Variants in ENTHD1 observed in about 807,000 individuals in gnomAD.
The protein encoded by ENTHD1 is ENTH domain-containing protein 1.
Under a neutral mutation model 39.1 loss-of-function variants are expected in ENTHD1, and 23 were observed. The observed-to-expected ratio is 0.59, with a 90% CI of 0.42 to 0.83. The LOEUF (loss-of-function observed/expected upper bound fraction) is 0.83. ENTHD1 is among the 40% of genes least tolerant of loss of function. ENTHD1 has a pLI of 0.00. For missense variants in ENTHD1, 624 were observed against 705.4 expected (o/e 0.88, Z 1.31); for synonymous variants, 230 against 258.2 (o/e 0.89, Z 1.05).
At chr22:39,819,836 A>G (rs1261859613) in intron 5 of ENTHD1, among the ~76,000 whole-genome samples, 1 of 152,194 alleles carries the variant, frequency 6.6e-6, no homozygotes. Flanking sequence ...TTTCTGCTCA[A>G]ATTTGCTGTG....
rs757672725 is a variant in ENTHD1 at position 39,744,162 on chromosome 22, C to G, written c.1341G>C (p.Trp447Cys). ...AAGACAACTGTTGATGGGACAGAGT[C>G]CAGAAGGAAGGTCCGGCCAGAATTG... ...LSPILAGPSF[W>C]TLSHQQLSST... is the part of the protein sequence containing the mutation. Residue 447 changes from tryptophan to cysteine, a missense_variant, in exon 7 of 7, where the codon TGG (tryptophan) becomes TGC (cysteine). Trp to Cys is a radical substitution (Grantham distance 215). Coordinates refer to ENST00000325157, the MANE Select transcript of ENTHD1 (RefSeq NM_152512.4). The G allele has an allele frequency of 6.2e-7, 1 of 1,613,994 alleles. No individual in the cohort carries two copies. Among genetic ancestry groups the G allele is most frequent in the Non-Finnish European group, 8.5e-7 (1 of 1,179,974 alleles).
rs572756326 is a variant in ENTHD1 at position 39,862,259 on chromosome 22, G to T, written c.350-252C>A. 3.9e-5 allele frequency among the ~76,000 whole-genome samples: 6 copies of T among 152,084 alleles called. No individual in the cohort carries two copies. The East Asian group carries it at 1.2e-3, about 29-fold the overall frequency. On this transcript the variant is annotated intron_variant, in intron 2 of 6. Transcript: ENST00000325157. The stretch of plus-strand genomic sequence containing the variant: ...ACATTATTGGATTTTCCTTTTAAAA[G>T]CAATATATGGCTGGGTGCGGTGGCT...
intron 5 of ENTHD1, among the ~76,000 whole-genome samples, chr22:39,816,296 A>T (rs1166638426): frequency 6.6e-6 from 1 of 152,252 alleles, no homozygotes; most frequent in African/African-American, 2.4e-5. Flanking sequence ...TGTATTTTAG[A>T]ATCTGTGTCA....
At chr22:39,771,792 A>G (rs1271965360) in intron 5 of ENTHD1, among the ~76,000 whole-genome samples, 1 of 152,184 alleles carries the variant, frequency 6.6e-6, no homozygotes, top group African/African-American at 2.4e-5. Flanking sequence ...AGATAAACAG[A>G]AACTAAGAGA....
At chr22:39,783,383 A>T (rs1184718997) in intron 5 of ENTHD1, among the ~76,000 whole-genome samples, 1 of 152,338 alleles carries the variant, frequency 6.6e-6, no homozygotes, top group East Asian at 1.9e-4. Context: ...CATTCTTCAG[A>T]GAAGTAGAAA....
At chr22:39,753,824 C>T (rs989156973) in intron 6 of ENTHD1, among the ~76,000 whole-genome samples, 1 of 152,118 alleles carries the variant, frequency 6.6e-6, no homozygotes, top group African/African-American at 2.4e-5. Flanking sequence ...ACCTGTTTTC[C>T]AAAATTACTT....
At chr22:39,805,436 G>A (rs971885524) in intron 5 of ENTHD1, among the ~76,000 whole-genome samples, 3 of 152,232 alleles carry the variant, frequency 2.0e-5, no homozygotes, top group Non-Finnish European at 4.4e-5. Flanking sequence ...GGTGGCAGAA[G>A]TGAAAGGGCC....
At chr22:39,828,157 C>T (rs567680905) in intron 4 of ENTHD1, among the ~76,000 whole-genome samples, 1 of 152,212 alleles carries the variant, frequency 6.6e-6, no homozygotes, top group Non-Finnish European at 1.5e-5. Flanking sequence ...TGTGTAGACA[C>T]AAAAATTTCC....
At chr22:39,790,418 G>A (rs1419360655) in intron 5 of ENTHD1, among the ~76,000 whole-genome samples, 1 of 152,154 alleles carries the variant, frequency 6.6e-6, no homozygotes, top group African/African-American at 2.4e-5. Context: ...AGTCAGGGAT[G>A]ACTCTGAGGT....
chr22:39,790,902 C>T (rs1290962184), intron 5 of ENTHD1, among the ~76,000 whole-genome samples: 1 of 152,188 alleles, frequency 6.6e-6, no homozygotes, highest in Non-Finnish European at 1.5e-5. Context: ...CCTACCTCCT[C>T]ACACTAGATT....
At chr22:39,790,991 G>A (rs1373499873) in intron 5 of ENTHD1, among the ~76,000 whole-genome samples, 1 of 151,962 alleles carries the variant, frequency 6.6e-6, no homozygotes, top group East Asian at 1.9e-4. Flanking sequence ...TGTACGTGGC[G>A]AGGGCAGGGC....
At chr22:39,871,972 C>A (rs1004947304) in intron 2 of ENTHD1, among the ~76,000 whole-genome samples, 2 of 152,190 alleles carry the variant, frequency 1.3e-5, no homozygotes, top group African/African-American at 2.4e-5. Flanking sequence ...AACTCAGAAG[C>A]CTGTGTTAAT....
At chr22:39,777,585 C>T (rs1227250218) in intron 5 of ENTHD1, among the ~76,000 whole-genome samples, 2 of 152,110 alleles carry the variant, frequency 1.3e-5, no homozygotes, top group African/African-American at 4.8e-5. Flanking sequence ...CTTAATTTCT[C>T]ATGGACAAAT....
At chr22:39,773,117 CAAAAAAAAAAA>C (rs57398699) in intron 5 of ENTHD1, among the ~76,000 whole-genome samples, 7 of 36,102 alleles carry the variant, frequency 1.9e-4, no homozygotes, top group African/African-American at 2.1e-4. Context: ...GACCTCATCT[CAAAAAAAAAAA>C]AAAAAAAAAA....
At chr22:39,827,559 A>G (rs2065836743) in intron 4 of ENTHD1, among the ~76,000 whole-genome samples, 1 of 152,194 alleles carries the variant, frequency 6.6e-6, no homozygotes, top group Non-Finnish European at 1.5e-5. Context: ...CAGTAAAAAG[A>G]AACAAACATG....
intron 5 of ENTHD1, among the ~76,000 whole-genome samples, chr22:39,805,128 C>A (rs113682404): frequency 1.5e-4 from 23 of 152,302 alleles, no homozygotes; most frequent in South Asian, 6.2e-4. Context: ...AGCCACTGTT[C>A]TAGGTACTGA....
intron 5 of ENTHD1, among the ~76,000 whole-genome samples, chr22:39,766,946 C>A (rs2065282001): frequency 6.6e-6 from 1 of 152,132 alleles, no homozygotes; most frequent in Admixed American, 6.5e-5. Context: ...CTTGCCCTGA[C>A]CCTTTTCTTT....
chr22:39,843,275 C>T (rs575026359), intron 3 of ENTHD1, among the ~76,000 whole-genome samples: 1 of 152,128 alleles, frequency 6.6e-6, no homozygotes, highest in Non-Finnish European at 1.5e-5. Flanking sequence ...GAATACTATG[C>T]AGCCATAAAA....
intron 4 of ENTHD1, among the ~76,000 whole-genome samples, chr22:39,833,230 C>A (rs4563342): frequency 0.92 from 139,845 of 152,148 alleles, 64,465 homozygotes; most frequent in East Asian, 1. Context: ...TCTTCACTCT[C>A]GAGTCCATTT....
Sources: gnomAD v4.1 joint callset for allele counts (sites outside exome capture counted in the v4.1 genomes callset) on GRCh38, gnomAD v4.1.1 for gene constraint, MANE v1.5 for transcripts, NCBI Gene and HGNC (gene_info 2026-07-23, HGNC 2026-07-21) for gene names.